Variants in NPIPB2 observed in about 807,000 individuals in gnomAD.
NPIPB2 encodes the protein nuclear pore complex-interacting protein family member B2.
A neutral mutation model predicts 30.8 loss-of-function variants in NPIPB2; 27 were observed. The ratio of observed to expected loss-of-function variants is 0.88; its 90% CI spans 0.65 to 1.21. The LOEUF (loss-of-function observed/expected upper bound fraction) is 1.21. Ranked by LOEUF, NPIPB2 falls within the 50% of genes most tolerant of loss-of-function variation. The probability of loss-of-function intolerance (pLI) is 0.00; values close to 1 mark genes in which losing one functional copy is unlikely to be tolerated. For synonymous variants in NPIPB2, 147 were observed against 162.0 expected, an observed-to-expected ratio of 0.91 and a Z score of 0.70; for missense variants, 440 against 446.2, an observed-to-expected ratio of 0.99 and a Z score of 0.13.
intron 1 of NPIPB2, among the ~76,000 whole-genome samples, chr16:11,959,574 GGAGACCCC>G (rs2055139329): frequency 6.6e-6 from 1 of 151,596 alleles, no homozygotes; most frequent in South Asian, 2.1e-4. Context: ...GGTGACAGAG[GGAGACCCC>G]GTCTCAAAAA....
chr16:11,961,424 A>AT (rs905540289), intron 1 of NPIPB2, among the ~76,000 whole-genome samples: 6 of 152,180 alleles, frequency 3.9e-5, no homozygotes, highest in East Asian at 3.9e-4. Context: ...AAAAAAAAGT[A>AT]TTTTTTTAAA....
At chr16:11,947,007 C>A (rs1253192766), upstream of NPIPB2, among the ~76,000 whole-genome samples, 1 of 144,072 alleles carries the variant, frequency 6.9e-6, no homozygotes, top group Admixed American at 7.3e-5. Context: ...CAGGTGTGAC[C>A]CACCTTGACC....
intron 1 of NPIPB2, among the ~76,000 whole-genome samples, chr16:11,975,293 G>T (rs926910407): frequency 3.6e-5 from 5 of 139,290 alleles, no homozygotes; most frequent in Admixed American, 2.1e-4. Context: ...GACTACAGGC[G>T]CCCGCCACTA....
At chr16:11,944,044 G>A (rs2054974770), upstream of NPIPB2, among the ~76,000 whole-genome samples, 5 of 141,048 alleles carry the variant, frequency 3.5e-5, no homozygotes, top group African/African-American at 7.9e-5. Context: ...TAATTTATAA[G>A]AGAGGAAGAT....
intron 1 of NPIPB2, among the ~76,000 whole-genome samples, chr16:11,952,691 A>G (rs986449808): frequency 6.6e-6 from 1 of 151,516 alleles, no homozygotes; most frequent in Non-Finnish European, 1.5e-5. Flanking sequence ...CAGCCTCCTG[A>G]GTAGTTGGGA....
At chr16:11,966,144 G>T (rs773476880) in intron 1 of NPIPB2, 109 of 1,500,924 alleles carry the variant, frequency 7.3e-5, no homozygotes, top group Non-Finnish European at 9.1e-5. Flanking sequence ...AATAAAGTAT[G>T]TGAATATTAT....
chr16:11,937,712 G>A, intron 1 of NPIPB2, 44 bp from the exon 2 acceptor site: 2 of 1,591,728 alleles, frequency 1.3e-6, no homozygotes, highest in Middle Eastern at 1.7e-4. Flanking sequence ...CAATGACACT[G>A]ACAATATTTC....
chr16:11,975,969 C>A (rs575301996), intron 1 of NPIPB2, among the ~76,000 whole-genome samples: 1 of 151,676 alleles, frequency 6.6e-6, no homozygotes, highest in Non-Finnish European at 1.5e-5. Flanking sequence ...TGGTAGAGAA[C>A]GGCGTCTCGC....
intron 1 of NPIPB2, among the ~76,000 whole-genome samples, chr16:11,969,742 C>T (rs11570171): frequency 0.013 from 1,933 of 152,230 alleles, 42 homozygotes; most frequent in African/African-American, 0.044. Context: ...ACTGTGATAA[C>T]GGTGCACGAC....
In NPIPB2 at chr16:11,927,415, C is replaced by T. The variant is rs2054731828; in HGVS notation, c.1152G>A (p.Arg384=). 6 of 1,086,166 alleles carry T rather than the reference C, an allele frequency of 5.5e-6. No homozygotes were observed. The East Asian group carries it at 1.3e-4, about 23-fold the overall frequency. The allele number at this position is 1,086,166 out of a possible 1,614,324, so 67.3% of individuals were successfully genotyped here. A position where few individuals can be genotyped will look rare whatever the true frequency, so the allele number is the denominator to read the frequency against. Residue 384 remains arginine (R), a synonymous_variant, in exon 8 of 8, where the codon CGG becomes CGA. Coordinates refer to ENST00000399147, the Ensembl canonical transcript of NPIPB2. ...GGCCTGTTCTCAGCTTACTCAACCT[C>T]CGCCTCTTGGGCTCGGGTGATGATG...
intron 1 of NPIPB2, chr16:11,965,233 T>C: frequency 2.0e-6 from 3 of 1,538,214 alleles, no homozygotes; most frequent in Non-Finnish European, 1.8e-6. Flanking sequence ...TTCTAGCTGC[T>C]CTTGCTGCAT....
intron 1 of NPIPB2, among the ~76,000 whole-genome samples, chr16:11,947,239 A>T (rs1358820264): frequency 1.4e-5 from 2 of 147,688 alleles, no homozygotes; most frequent in Admixed American, 1.4e-4. Flanking sequence ...GTGAGCCACC[A>T]TGCCCAGCCA....
At chr16:11,965,013 T>C (rs2055182186) in intron 1 of NPIPB2, 1 of 405,064 alleles carries the variant, frequency 2.5e-6, no homozygotes, top group Non-Finnish European at 4.5e-6. Context: ...ATCTTGCAAC[T>C]GTCACCTGGC....
At chr16:11,958,894 C>G (rs419040) in intron 1 of NPIPB2, among the ~76,000 whole-genome samples, 150,156 of 152,318 alleles carry the variant, frequency 0.99, 74,052 homozygotes, top group South Asian at 1. Context: ...TGCAGGATCT[C>G]GGGAGGTGAA....
At chr16:11,933,395 C>T (rs1218109694) in intron 4 of NPIPB2, 122 bp downstream of exon 4, 59 of 1,436,638 alleles carry the variant, frequency 4.1e-5, no homozygotes, top group Non-Finnish European at 5.3e-5. Context: ...AGGACAAACT[C>T]AATTTTGAAC....
chr16:11,938,451 C>T (rs562184822), intron 1 of NPIPB2, among the ~76,000 whole-genome samples: 13 of 152,044 alleles, frequency 8.6e-5, no homozygotes, highest in Non-Finnish European at 1.5e-4. Context: ...CTGCCTCAGC[C>T]TCCTGAGTAG....
At chr16:11,951,655 CACACACACA>C (rs2055065566) in intron 1 of NPIPB2, among the ~76,000 whole-genome samples, 1 of 148,026 alleles carries the variant, frequency 6.8e-6, no homozygotes, top group Non-Finnish European at 1.5e-5. Context: ...CACACACACA[CACACACACA>C]CACCCAGCCC....
chr16:11,941,160 T>C (rs577050466), intron 1 of NPIPB2: 83,839 of 1,419,464 alleles, frequency 0.059, 11,406 homozygotes, highest in African/African-American at 0.48. Flanking sequence ...GGGTCCAGCG[T>C]CTACTCACAC....
intron 1 of NPIPB2, chr16:11,967,617 A>G: frequency 6.2e-7 from 1 of 1,614,180 alleles, no homozygotes; most frequent in Non-Finnish European, 8.5e-7. Context: ...AAAGAGCAGG[A>G]CTGGTGATGA....
Sources: allele counts gnomAD v4.1 joint callset (sites outside exome capture counted in the v4.1 genomes callset), GRCh38; gene constraint gnomAD v4.1.1; transcripts MANE v1.5; gene names NCBI Gene and HGNC (gene_info 2026-07-23, HGNC 2026-07-21).